Variants in FAT3 observed in about 807,000 individuals in gnomAD.
FAT3 encodes protocadherin Fat 3.
Under a neutral mutation model 310.2 loss-of-function variants are expected in FAT3, and 95 were observed. That is an observed-to-expected ratio of 0.31 (90% confidence interval 0.26 to 0.36). FAT3 has a LOEUF of 0.36. Ranked by LOEUF, FAT3 falls within the 10% of genes least tolerant of loss-of-function variation. FAT3 has a pLI of 1.00. For synonymous variants in FAT3, 2,314 were observed against 2,192.9 expected, an observed-to-expected ratio of 1.06 and a Z score of -1.54; for missense variants, 5,408 against 5,715.6, an observed-to-expected ratio of 0.95 and a Z score of 1.74.
intron 1 of FAT3, among the ~76,000 whole-genome samples, chr11:92,318,579 A>G (rs915072775): frequency 2.0e-5 from 3 of 152,100 alleles, no homozygotes; most frequent in African/African-American, 7.2e-5. Flanking sequence ...TAGGAGATAA[A>G]CTCCTTGAAG....
chr11:92,840,851 GTC>G, intron 18 of FAT3, 92 bp downstream of exon 18: 1 of 1,246,678 alleles, frequency 8.0e-7, no homozygotes, highest in South Asian at 1.9e-5. Flanking sequence ...TGCTGAGTAA[GTC>G]AACATAATTC....
intron 9 of FAT3, among the ~76,000 whole-genome samples, chr11:92,795,932 G>T (rs1947159878): frequency 6.6e-6 from 1 of 152,024 alleles, no homozygotes; most frequent in Non-Finnish European, 1.5e-5. Context: ...AATTATATTT[G>T]AGGTCAAAAG....
At chr11:92,556,683 C>T (rs957994953) in intron 3 of FAT3, among the ~76,000 whole-genome samples, 6 of 152,166 alleles carry the variant, frequency 3.9e-5, no homozygotes, top group East Asian at 1.9e-4. Flanking sequence ...AGTTTCCACA[C>T]GCAATTTATC....
intron 1 of FAT3, among the ~76,000 whole-genome samples, chr11:92,294,421 G>T (rs1273399632): frequency 6.6e-6 from 1 of 152,030 alleles, no homozygotes; most frequent in Non-Finnish European, 1.5e-5. Context: ...AACACTGCTA[G>T]GTGCTGACTT....
intron 3 of FAT3, among the ~76,000 whole-genome samples, chr11:92,611,903 G>A (rs370893256): frequency 5.1e-4 from 78 of 152,256 alleles, no homozygotes; most frequent in African/African-American, 1.7e-3. Flanking sequence ...TGTTTTCACC[G>A]CATACCCCTT....
intron 1 of FAT3, among the ~76,000 whole-genome samples, chr11:92,263,826 G>A (rs1321837384): frequency 6.6e-6 from 1 of 151,502 alleles, no homozygotes; most frequent in African/African-American, 2.4e-5. Context: ...GATGTCTTTT[G>A]TTAGCCATAT....
chr11:92,651,834 C>A (rs539162052), intron 3 of FAT3, among the ~76,000 whole-genome samples: 1 of 152,256 alleles, frequency 6.6e-6, no homozygotes, highest in East Asian at 1.9e-4. Flanking sequence ...AAATTTTATT[C>A]CCCAGCTCTT....
intron 13 of FAT3, among the ~76,000 whole-genome samples, chr11:92,825,896 C>G (rs1948090613): frequency 6.6e-6 from 1 of 152,076 alleles, no homozygotes; most frequent in South Asian, 2.1e-4. Context: ...AGAGATATCT[C>G]AGAGGCAGAA....
At chr11:92,265,161 T>C (rs1363386339) in intron 1 of FAT3, among the ~76,000 whole-genome samples, 9 of 152,032 alleles carry the variant, frequency 5.9e-5, no homozygotes, top group African/African-American at 2.2e-4. Context: ...GAGTCAGCTG[T>C]AGCCAGTTCA....
chr11:92,414,732 C>T (rs778163303), intron 2 of FAT3, among the ~76,000 whole-genome samples: 18 of 152,272 alleles, frequency 1.2e-4, no homozygotes, highest in South Asian at 2.1e-4. Context: ...AAGAATAGGC[C>T]GGGCGTGGTG....
intron 4 of FAT3, among the ~76,000 whole-genome samples, chr11:92,703,402 C>T (rs529647618): frequency 6.6e-6 from 1 of 152,312 alleles, no homozygotes; most frequent in African/African-American, 2.4e-5. Context: ...GGAAGTTTCT[C>T]TTCTTAGGCA....
intron 1 of FAT3, among the ~76,000 whole-genome samples, chr11:92,333,459 C>T (rs1947970637): frequency 7.9e-5 from 12 of 152,044 alleles, no homozygotes; most frequent in Admixed American, 7.9e-4. Context: ...GACCTGGGAC[C>T]AAGAGGGAGG....
intron 22 of FAT3, among the ~76,000 whole-genome samples, chr11:92,868,697 G>T (rs1341073570): frequency 6.6e-6 from 1 of 152,080 alleles, no homozygotes; most frequent in Non-Finnish European, 1.5e-5. Flanking sequence ...CAGGGCTATG[G>T]GCTTCCACAA....
intron 6 of FAT3, among the ~76,000 whole-genome samples, chr11:92,773,249 A>G (rs540127535): frequency 1.3e-5 from 2 of 152,188 alleles, no homozygotes; most frequent in Admixed American, 6.5e-5. Context: ...TCTTAAGCAA[A>G]TCACTCACAG....
chr11:92,595,044 A>G (rs1939634104), intron 3 of FAT3, among the ~76,000 whole-genome samples: 1 of 151,880 alleles, frequency 6.6e-6, no homozygotes, highest in Admixed American at 6.6e-5. Context: ...GGAGCTAGGA[A>G]TAAGAATAAT....
At chr11:92,572,038 G>A (rs1938185414) in intron 3 of FAT3, among the ~76,000 whole-genome samples, 1 of 152,138 alleles carries the variant, frequency 6.6e-6, no homozygotes, top group African/African-American at 2.4e-5. Flanking sequence ...GCCTTACCAT[G>A]TACTCTTTTG....
intron 3 of FAT3, among the ~76,000 whole-genome samples, chr11:92,628,413 T>A (rs576057112): frequency 6.6e-6 from 1 of 152,330 alleles, no homozygotes; most frequent in Middle Eastern, 3.4e-3. Context: ...CTTACTAATA[T>A]CTTACTCCAT....
chr11:92,378,492 A>G (rs2134750508), intron 2 of FAT3, among the ~76,000 whole-genome samples: 1 of 152,294 alleles, frequency 6.6e-6, no homozygotes, highest in South Asian at 2.1e-4. Flanking sequence ...TTGGAAATGT[A>G]GGTTCATTTC....
intron 3 of FAT3, among the ~76,000 whole-genome samples, chr11:92,593,836 T>C (rs1277900910): frequency 6.6e-6 from 1 of 152,178 alleles, no homozygotes; most frequent in African/African-American, 2.4e-5. Flanking sequence ...GCCAGGAAAG[T>C]CTATTGAAAC....
Sources: allele counts gnomAD v4.1 joint callset (sites outside exome capture counted in the v4.1 genomes callset), GRCh38; gene constraint gnomAD v4.1.1; transcripts MANE v1.5; gene names NCBI Gene and HGNC (gene_info 2026-07-23, HGNC 2026-07-21).